The following BPGM variants were observed in gnomAD, a reference collection of about 807,000 sequenced individuals.
BPGM encodes the protein bisphosphoglycerate mutase, also known as 2,3-bisphosphoglycerate mutase, erythrocyte.
In BPGM, 15 loss-of-function variants were observed where a neutral mutation model predicts 21.6. The ratio of observed to expected loss-of-function variants is 0.70; its 90% CI spans 0.47 to 1.07. The LOEUF is 1.07. Among genes scored for constraint, BPGM ranks in the 50% least tolerant of loss-of-function variants. The pLI, the probability that BPGM is intolerant of heterozygous loss-of-function variation, is 0.00. For missense variants in BPGM, 273 were observed against 319.0 expected, an observed-to-expected ratio of 0.86 and a Z score of 1.10; for synonymous variants, 113 against 116.2, an observed-to-expected ratio of 0.97 and a Z score of 0.18.
chr7:134,664,769 G>T (rs962261788), intron 2 of BPGM, among the ~76,000 whole-genome samples: 8 of 152,208 alleles, frequency 5.3e-5, no homozygotes, highest in African/African-American at 1.9e-4. Context: ...GAAAGGGAAG[G>T]TGATGCTGAT....
At chr7:134,656,253 C>A (rs541761022) in intron 1 of BPGM, among the ~76,000 whole-genome samples, 33 of 152,228 alleles carry the variant, frequency 2.2e-4, no homozygotes, top group South Asian at 1.0e-3. Flanking sequence ...TGATCTAGTG[C>A]GGTAGCCACT....
At chr7:134,668,222 A>T (rs1213953864) in intron 2 of BPGM, among the ~76,000 whole-genome samples, 1 of 152,066 alleles carries the variant, frequency 6.6e-6, no homozygotes, top group Admixed American at 6.6e-5. Flanking sequence ...ATCTAAAGAG[A>T]CTCTAGATTC....
At chr7:134,677,366 T>C (rs1253495950) in intron 2 of BPGM, among the ~76,000 whole-genome samples, 1 of 152,198 alleles carries the variant, frequency 6.6e-6, no homozygotes, top group Non-Finnish European at 1.5e-5. Context: ...GATGGGACAG[T>C]ACACTTACTT....
intron 2 of BPGM, among the ~76,000 whole-genome samples, chr7:134,678,216 A>G (rs1796009869): frequency 6.6e-6 from 1 of 152,174 alleles, no homozygotes. Context: ...TTTTATATAT[A>G]CCTTCCTTTT....
chr7:134,647,077 C>A (rs1445136444), intron 1 of BPGM, 140 bp downstream of exon 1: 2 of 154,004 alleles, frequency 1.3e-5, no homozygotes, highest in East Asian at 3.8e-4. Context: ...CCCACTCCAG[C>A]CCTCAAGCTG....
chr7:134,667,062 G>T (rs1245753565), intron 2 of BPGM, among the ~76,000 whole-genome samples: 1 of 152,086 alleles, frequency 6.6e-6, no homozygotes, highest in Non-Finnish European at 1.5e-5. Flanking sequence ...AAGTTACAGG[G>T]TTTGTGTGCT....
At chr7:134,648,431 G>A (rs375431769) in intron 1 of BPGM, among the ~76,000 whole-genome samples, 37 of 152,228 alleles carry the variant, frequency 2.4e-4, no homozygotes, top group Middle Eastern at 3.4e-3. Flanking sequence ...TACCGCGCCC[G>A]GCCTTCTTTT....
rs771037885 is a variant in BPGM, at chr7:134,661,647, C to T, written c.140C>T (p.Ala47Val). 4 of 1,614,104 alleles carry T rather than the reference C, an allele frequency of 2.5e-6. No homozygotes were observed. The highest frequency in any genetic ancestry group is 2.5e-6 in the Non-Finnish European group (3 of 1,180,024). Residue 47 changes from alanine (A) to valine (V), a missense_variant, in exon 2 of 3, where the codon GCG (alanine) becomes GTG (valine). Physicochemically the swap from Ala to Val is moderately conservative, Grantham distance 64. Transcript: ENST00000344924. The surrounding 1 kb of genome is among the most constrained non-coding windows in gnomAD (Gnocchi z 4.6). ...EARNCGKQLK[A>V]LNFEFDLVFT... is the part of the protein sequence containing the mutation. The stretch of plus-strand genomic sequence containing the variant: ...CGGAACTGTGGGAAGCAACTCAAAG[C>T]GTTAAACTTTGAGTTTGATCTTGTA...
At chr7:134,658,569 TAC>T (rs1795677911) in intron 1 of BPGM, 1 of 152,274 alleles carries the variant, frequency 6.6e-6, no homozygotes, top group African/African-American at 2.4e-5. Context: ...TCACACTGGC[TAC>T]AGCGTTGTGT....
In BPGM at chr7:134,679,000, A is replaced by G; in HGVS notation, c.749A>G (p.Asp250Gly). 2 of 1,614,198 alleles carry G rather than the reference A, an allele frequency of 1.2e-6. No individual in the cohort carries two copies. The highest frequency in any genetic ancestry group is 1.7e-6 in the Non-Finnish European group (2 of 1,180,010). Residue 250 changes from aspartate (D) to glycine (G), a missense_variant, in exon 3 of 3, where the codon GAT (aspartate) becomes GGT (glycine). Asp to Gly is a moderately conservative substitution (Grantham distance 94). Coordinates refer to ENST00000344924, the MANE Select transcript of BPGM (RefSeq NM_001724.5). ...CAAGCAGCCATTAAGAAAGTAGAAGATCAAGGAAAAGTGAAACAAGCTAAA... is the reference window on the plus strand; with the variant it reads ...CAAGCAGCCATTAAGAAAGTAGAAGGTCAAGGAAAAGTGAAACAAGCTAAA... ...AIQAAIKKVE[D>G]QGKVKQAKK
At chr7:134,678,132 C>G (rs11761313) in intron 2 of BPGM, among the ~76,000 whole-genome samples, 20,130 of 152,260 alleles carry the variant, frequency 0.13, 1,712 homozygotes, top group Non-Finnish European at 0.19. Context: ...GCTACTACAA[C>G]TACAGCTCTT....
chr7:134,668,176 TGGA>T (rs1158570709), intron 2 of BPGM, among the ~76,000 whole-genome samples: 1 of 152,148 alleles, frequency 6.6e-6, no homozygotes, highest in Non-Finnish European at 1.5e-5. Flanking sequence ...TCTCCATTTG[TGGA>T]AAAGAAGACA....
At chr7:134,655,153 A>C (rs980121708) in intron 1 of BPGM, among the ~76,000 whole-genome samples, 1 of 152,204 alleles carries the variant, frequency 6.6e-6, no homozygotes, top group Non-Finnish European at 1.5e-5. Context: ...TGAAAAACAA[A>C]ACAAAACAAA....
intron 2 of BPGM, among the ~76,000 whole-genome samples, chr7:134,671,270 T>C (rs1795899681): frequency 6.6e-6 from 1 of 152,178 alleles, no homozygotes; most frequent in Non-Finnish European, 1.5e-5. Context: ...AACCTCTTTC[T>C]GAAATTTGTC....
Position 134,679,130 on chromosome 7 carries a change from C to T in BPGM, c.*99C>T. 2.1e-6 allele frequency: 3 copies of T among 1,401,022 alleles called. No homozygotes were observed. The highest frequency in any genetic ancestry group is 3.0e-6 in the Non-Finnish European group (3 of 1,014,632). The allele number at this position is 1,401,022 out of a possible 1,614,324, so 86.8% of individuals were successfully genotyped here. On this transcript the variant is annotated 3_prime_UTR_variant, in exon 3 of 3. Transcript: ENST00000344924. ...TCTCTTTTTCCCCGATTTTCCAGAGCTAGGCTGTGGAGTAGAGTTTGTATA... is the reference window on the plus strand; with the variant it reads ...TCTCTTTTTCCCCGATTTTCCAGAGTTAGGCTGTGGAGTAGAGTTTGTATA...
chr7:134,661,891 G>C lies in BPGM; in HGVS notation c.384G>C (p.Glu128Asp). 2 of 1,611,102 alleles carry C rather than the reference G, an allele frequency of 1.2e-6. No individual in the cohort carries two copies. The highest frequency in any genetic ancestry group is 2.2e-5 in the South Asian group (2 of 90,918). Residue 128 changes from glutamate (E) to aspartate (D), a missense_variant, in exon 2 of 3, where the codon GAG becomes GAC. Transcript: ENST00000344924. The surrounding 1 kb of genome is among the most constrained non-coding windows in gnomAD (Gnocchi z 4.6). ...SYNVTPPPIE[E>D]SHPYYQEIYN... ...ATGTAACCCCGCCTCCCATTGAGGAGTCTCATCCTTACTACCAAGAAATCT... is the reference window on the plus strand; with the variant it reads ...ATGTAACCCCGCCTCCCATTGAGGACTCTCATCCTTACTACCAAGAAATCT...
In BPGM at chr7:134,648,139, T is replaced by TGTTTG. The variant is rs533187804; in HGVS notation, c.-62+1202_-62+1203insGTTTG. Among the ~76,000 whole-genome samples, 36 of 148,826 alleles carry TGTTTG rather than the reference T, an allele frequency of 2.4e-4. No homozygotes were observed. The East Asian group carries it at 5.2e-3, about 21-fold the overall frequency. ...TTTCTTTCTTTTGTTTTGGTTTTTTTTTTGTTTTGTTTTCAGACGGAGTTT... is the reference window on the plus strand; with the variant it reads ...TTTCTTTCTTTTGTTTTGGTTTTTTTGTTTGTTTGTTTTGTTTTCAGACGGAGTTT... On this transcript the variant is annotated intron_variant, in intron 1 of 2. Coordinates refer to ENST00000344924, the MANE Select transcript of BPGM (RefSeq NM_001724.5).
At chr7:134,667,642 A>G (rs1003600687) in intron 2 of BPGM, among the ~76,000 whole-genome samples, 14 of 152,238 alleles carry the variant, frequency 9.2e-5, no homozygotes, top group African/African-American at 3.4e-4. Flanking sequence ...TGTAAGCACA[A>G]AAGTTGCTAA....
At chr7:134,662,150 G>C in intron 2 of BPGM, 42 bp downstream of exon 2, 1 of 1,612,164 alleles carries the variant, frequency 6.2e-7, no homozygotes, top group Non-Finnish European at 8.5e-7. Flanking sequence ...TGCCAAGTGT[G>C]ATATCTAGGC....
Sources: gnomAD v4.1 joint callset for allele counts (sites outside exome capture counted in the v4.1 genomes callset) on GRCh38, gnomAD v4.1.1 for gene constraint, Gnocchi (gnomAD v3.1) non-coding constraint, MANE v1.5 for transcripts, NCBI Gene and HGNC (gene_info 2026-07-23, HGNC 2026-07-21) for gene names.